The following ZFAT variants were observed in gnomAD, a reference collection of about 807,000 sequenced individuals.
ZFAT encodes zinc finger and AT-hook domain containing.
In ZFAT, 64 loss-of-function variants were observed where a neutral mutation model predicts 117.7. The ratio of observed to expected loss-of-function variants is 0.54; its 90% CI spans 0.44 to 0.67. The LOEUF is 0.67. ZFAT is among the 30% of genes least tolerant of loss of function. The pLI is 0.00. For synonymous variants in ZFAT, 679 were observed against 615.0 expected (o/e 1.10, Z -1.54); for missense variants, 1,433 against 1,584.5 (o/e 0.90, Z 1.62).
Position 134,509,659 on chromosome 8 carries a change from ACCGAGGCAAGGG to A in ZFAT, c.3440_3451del (p.Ala1147_Ser1150del). On this transcript the variant is annotated inframe_deletion, in exon 15 of 16. Transcript: ENST00000377838. ...CACCGTCCCTGGTGCCATGGCAACCACCGAGGCAAGGGCAGTGGCGTCATGGGTCTCGGCGCC... is the reference window on the plus strand; with the variant it reads ...CACCGTCCCTGGTGCCATGGCAACCACAGTGGCGTCATGGGTCTCGGCGCC... The A allele has an allele frequency of 6.2e-7, 1 of 1,613,554 alleles. No homozygotes were observed. The highest frequency in any genetic ancestry group is 8.5e-7 in the Non-Finnish European group (1 of 1,179,792).
the ZFAT span, among the ~76,000 whole-genome samples, chr8:134,800,946 C>T: frequency 6.6e-6 from 1 of 152,114 alleles, no homozygotes; most frequent in African/African-American, 2.4e-5. Flanking sequence ...AAGGAATTTA[C>T]AACAATAAAT....
chr8:134,778,475 C>G, the ZFAT span, among the ~76,000 whole-genome samples: 2 of 152,222 alleles, frequency 1.3e-5, no homozygotes, highest in Admixed American at 6.5e-5. Context: ...CTCACTTGGT[C>G]TGCTGGAATA....
At chr8:134,505,415 C>T (rs1819328343) in intron 15 of ZFAT, among the ~76,000 whole-genome samples, 1 of 152,186 alleles carries the variant, frequency 6.6e-6, no homozygotes, top group African/African-American at 2.4e-5. Context: ...CAAAGCTGTC[C>T]ATGTCCTCAT....
In ZFAT at chr8:134,564,654, T is replaced by TGTGTGCCATGTGTGCCATGTTG. The variant is rs1361494341; in HGVS notation, c.2976+657_2976+678dup. ...TACAAATCTTGATGATTCCTTTCCA[T>TGTGTGCCATGTGTGCCATGTTG]GTGTGCCATGTGTGCCATGTTGCTG... On this transcript the variant is annotated intron_variant, in intron 11 of 15. Transcript: ENST00000377838. 5.3e-5 allele frequency among the ~76,000 whole-genome samples: 8 copies of TGTGTGCCATGTGTGCCATGTTG among 152,294 alleles called. No individual in the cohort carries two copies. In the East Asian group the frequency reaches 1.5e-3, roughly 29 times the overall value.
At chr8:134,672,179 C>A (rs62525604) in intron 1 of ZFAT, among the ~76,000 whole-genome samples, 1 of 151,506 alleles carries the variant, frequency 6.6e-6, no homozygotes, top group Non-Finnish European at 1.5e-5. Context: ...GCCATACTGC[C>A]CAAGGTAATT....
At chr8:134,737,171 C>A in the ZFAT span, among the ~76,000 whole-genome samples, 1 of 151,844 alleles carries the variant, frequency 6.6e-6, no homozygotes, top group Non-Finnish European at 1.5e-5. Context: ...TCCCAGCTAC[C>A]CAGGAGGCTG....
the ZFAT span, among the ~76,000 whole-genome samples, chr8:134,799,748 T>C: frequency 3.3e-5 from 5 of 152,172 alleles, no homozygotes; most frequent in African/African-American, 1.2e-4. Flanking sequence ...ATTACAACAA[T>C]ATCAAAGATT....
chr8:134,504,919 TACACTC>T (rs1394188872), intron 15 of ZFAT, among the ~76,000 whole-genome samples: 4 of 152,000 alleles, frequency 2.6e-5, no homozygotes, highest in Admixed American at 6.5e-5. Flanking sequence ...GCTCCCACCC[TACACTC>T]ACAAGGCCTC....
chr8:134,807,728 A>C, the ZFAT span, among the ~76,000 whole-genome samples: 21 of 151,904 alleles, frequency 1.4e-4, no homozygotes, highest in South Asian at 2.9e-3. Context: ...AAAAAAAAAA[A>C]CAAAAAACAC....
At chr8:134,821,428 C>T in the ZFAT span, among the ~76,000 whole-genome samples, 5,963 of 151,950 alleles carry the variant, frequency 0.039, 152 homozygotes, top group Non-Finnish European at 0.055. Context: ...CAGACCACAT[C>T]GGAAGTAGTC....
intron 1 of ZFAT, among the ~76,000 whole-genome samples, chr8:134,667,959 T>C (rs1832321205): frequency 6.6e-6 from 1 of 152,154 alleles, no homozygotes; most frequent in Non-Finnish European, 1.5e-5. Flanking sequence ...CAGGAGATTA[T>C]ATCCCGCGCA....
rs1816994296 is a variant in ZFAT at position 134,477,948 on chromosome 8, T to C, written c.*534A>G. On this transcript the variant is annotated 3_prime_UTR_variant, in exon 16 of 16. Transcript: ENST00000377838. ...CTCACTTGATACCAAGGGCCCTTAA[T>C]ACTCGGGGAAGTGGGACTTTGTCGA... The C allele has an allele frequency of 6.4e-6, 1 of 155,422 alleles. No homozygotes were observed. Among genetic ancestry groups the C allele is most frequent in the African/African-American group, 2.4e-5 (1 of 41,492 alleles). 9.6% of individuals were successfully genotyped at this position (155,422 alleles called of 1,614,324 possible).
chr8:134,622,468 A>G (rs964063885), intron 3 of ZFAT, among the ~76,000 whole-genome samples: 2 of 152,218 alleles, frequency 1.3e-5, no homozygotes, highest in Admixed American at 6.5e-5. Context: ...CTATGACGAC[A>G]GGGTCTAGTG....
chr8:134,661,661 T>A (rs111646200), intron 1 of ZFAT, among the ~76,000 whole-genome samples: 1 of 152,024 alleles, frequency 6.6e-6, no homozygotes, highest in Non-Finnish European at 1.5e-5. Context: ...TGTCCAGGGA[T>A]GAGAGCAGAG....
chr8:134,552,337 T>C (rs903407108), intron 11 of ZFAT, among the ~76,000 whole-genome samples: 3 of 152,262 alleles, frequency 2.0e-5, no homozygotes, highest in Admixed American at 6.5e-5. Context: ...TTTGTACTTA[T>C]GTTTTTTCTT....
At chr8:134,720,636 G>C in the ZFAT span, among the ~76,000 whole-genome samples, 1 of 152,238 alleles carries the variant, frequency 6.6e-6, no homozygotes, top group African/African-American at 2.4e-5. Flanking sequence ...ACGATCCAGG[G>C]CGGGCCTGGC....
At chr8:134,787,929 T>C in the ZFAT span, among the ~76,000 whole-genome samples, 1 of 152,200 alleles carries the variant, frequency 6.6e-6, no homozygotes, top group African/African-American at 2.4e-5. Context: ...ATAGTTTGTA[T>C]TCAGTGACCT....
At chr8:134,658,542 A>G (rs189448040) in intron 1 of ZFAT, among the ~76,000 whole-genome samples, 285 of 152,300 alleles carry the variant, frequency 1.9e-3, no homozygotes, top group African/African-American at 6.7e-3. Flanking sequence ...CTGAATTCCT[A>G]TTTAAAGCAC....
rs570392803 is a variant in ZFAT at position 134,710,658 on chromosome 8, G to A, written c.19+2187C>T. On this transcript the variant is annotated intron_variant, in intron 1 of 15. Coordinates refer to ENST00000377838, the MANE Select transcript of ZFAT (RefSeq NM_020863.4). ...TTGCATATACATAGTGAGATAACCTGAGGATGGGACCCAAGTCTAAACATG... is the reference window on the plus strand; with the variant it reads ...TTGCATATACATAGTGAGATAACCTAAGGATGGGACCCAAGTCTAAACATG... 2.0e-5 allele frequency among the ~76,000 whole-genome samples: 3 copies of A among 152,312 alleles called. No individual in the cohort carries two copies. In the East Asian group the frequency reaches 5.8e-4, roughly 29 times the overall value.
Sources: gnomAD v4.1 joint callset for allele counts (sites outside exome capture counted in the v4.1 genomes callset) on GRCh38, gnomAD v4.1.1 for gene constraint, MANE v1.5 for transcripts, NCBI Gene and HGNC (gene_info 2026-07-23, HGNC 2026-07-21) for gene names.